The following IGF1R variants were observed in gnomAD, a reference collection of about 807,000 sequenced individuals.
The protein encoded by IGF1R is insulin like growth factor 1 receptor, also known as insulin-like growth factor 1 receptor.
In IGF1R, 44 loss-of-function variants were observed where a neutral mutation model predicts 144.6. The observed-to-expected ratio is 0.30, with a 90% CI of 0.24 to 0.39. The LOEUF (loss-of-function observed/expected upper bound fraction) is 0.39, where lower values mean the gene tolerates loss of function less well. Among genes scored for constraint, IGF1R ranks in the 10% least tolerant of loss-of-function variants. The pLI is 1.00. For synonymous variants in IGF1R, 795 were observed against 722.8 expected, an observed-to-expected ratio of 1.10 and a Z score of -1.60; for missense variants, 1,355 against 1,833.7, an observed-to-expected ratio of 0.74 and a Z score of 4.77.
intron 4 of IGF1R, among the ~76,000 whole-genome samples, chr15:98,898,736 T>C (rs2014326774): frequency 6.6e-6 from 1 of 152,220 alleles, no homozygotes; most frequent in South Asian, 2.1e-4. Context: ...TTTATTATAA[T>C]TTTAGCATTA....
chr15:98,923,269 G>C (rs2015566150), intron 11 of IGF1R, among the ~76,000 whole-genome samples: 1 of 152,278 alleles, frequency 6.6e-6, no homozygotes, highest in African/African-American at 2.4e-5. Flanking sequence ...CCAGCCGCTG[G>C]AGGAGTTGGT....
chr15:98,787,343 C>T (rs2056022385), intron 2 of IGF1R, among the ~76,000 whole-genome samples: 2 of 152,194 alleles, frequency 1.3e-5, no homozygotes, highest in Admixed American at 6.5e-5. Context: ...AGATAAAACA[C>T]CTTCAAACAA....
intron 2 of IGF1R, among the ~76,000 whole-genome samples, chr15:98,808,210 G>A (rs1172596340): frequency 6.6e-6 from 1 of 152,178 alleles, no homozygotes; most frequent in Non-Finnish European, 1.5e-5. Context: ...TTAAAAATAA[G>A]TTGAAAATAA....
At chr15:98,680,862 T>A (rs1441587583) in intron 1 of IGF1R, among the ~76,000 whole-genome samples, 1 of 98,362 alleles carries the variant, frequency 1.0e-5, no homozygotes, top group African/African-American at 4.4e-5. Flanking sequence ...TGGCCATATG[T>A]ACTTTTTTTT....
intron 1 of IGF1R, among the ~76,000 whole-genome samples, chr15:98,682,289 G>A (rs996366502): frequency 1.1e-4 from 17 of 152,272 alleles, no homozygotes; most frequent in African/African-American, 3.9e-4. Flanking sequence ...AAAGATGACT[G>A]TCCCTCTCAT....
intron 11 of IGF1R, among the ~76,000 whole-genome samples, chr15:98,923,588 G>C (rs2151692881): frequency 6.6e-6 from 1 of 152,334 alleles, no homozygotes; most frequent in South Asian, 2.1e-4. Flanking sequence ...GGCTTTTTTT[G>C]TTGAGGGACT....
At chr15:98,797,538 G>A (rs1192925774) in intron 2 of IGF1R, among the ~76,000 whole-genome samples, 1 of 152,208 alleles carries the variant, frequency 6.6e-6, no homozygotes, top group Non-Finnish European at 1.5e-5. Context: ...CTCTTCATTT[G>A]GGGTTGGGGG....
chr15:98,753,072 ACT>A (rs1323498170), intron 2 of IGF1R, among the ~76,000 whole-genome samples: 1 of 151,500 alleles, frequency 6.6e-6, no homozygotes, highest in Non-Finnish European at 1.5e-5. Flanking sequence ...AGTAGCTAGG[ACT>A]ACAGGCACGT....
Position 98,962,277 on chromosome 15 carries a change from A to G in IGF1R, c.*4835A>G. 1 of 233,398 alleles carries G rather than the reference A, an allele frequency of 4.3e-6. No homozygotes were observed. The highest frequency in any genetic ancestry group is 8.5e-6 in the Non-Finnish European group (1 of 118,114). The allele number at this position is 233,398 out of a possible 1,614,324, so 14.5% of individuals were successfully genotyped here. ...GACCCGCCGTGGTATGCCTTGGCCC[A>G]TTCCAGCAGTCCCAGTTATGCATTT... On this transcript the variant is annotated 3_prime_UTR_variant, in exon 21 of 21. Coordinates refer to ENST00000650285, the MANE Select transcript of IGF1R (RefSeq NM_000875.5).
intron 2 of IGF1R, among the ~76,000 whole-genome samples, chr15:98,775,840 C>T (rs1258836290): frequency 1.3e-5 from 2 of 152,192 alleles, no homozygotes; most frequent in African/African-American, 4.8e-5. Context: ...CTGTCAAGTT[C>T]CCATGTGATC....
chr15:98,917,028 T>C, intron 10 of IGF1R, 152 bp downstream of exon 10: 1 of 735,334 alleles, frequency 1.4e-6, no homozygotes, highest in Non-Finnish European at 2.4e-6. Flanking sequence ...ACAGGTTCGG[T>C]GAAGTGAGTC....
intron 2 of IGF1R, among the ~76,000 whole-genome samples, chr15:98,861,325 C>T (rs544925944): frequency 5.9e-5 from 9 of 152,148 alleles, no homozygotes; most frequent in Non-Finnish European, 1.2e-4. Flanking sequence ...AGTTTGTTAT[C>T]GGTCTTCTCC....
chr15:98,712,915 G>A (rs2054028383), intron 2 of IGF1R, among the ~76,000 whole-genome samples: 1 of 148,806 alleles, frequency 6.7e-6, no homozygotes, highest in African/African-American at 2.5e-5. Flanking sequence ...CGGCCATCTA[G>A]TGTGCACTTT....
chr15:98,801,540 T>C (rs949327040), intron 2 of IGF1R, among the ~76,000 whole-genome samples: 1 of 152,204 alleles, frequency 6.6e-6, no homozygotes, highest in African/African-American at 2.4e-5. Context: ...AGGCCTTTCC[T>C]TGATGATCGA....
rs548794667 is a variant in IGF1R, at chr15:98,902,596, A to G, written c.1247+2975A>G. ...CCACGCCCGGCTTATTTTTGCTTTT[A>G]GTAGAGACGGACTTTCACCGTGTTG... On this transcript the variant is annotated intron_variant, in intron 5 of 20. Coordinates refer to ENST00000650285, the MANE Select transcript of IGF1R (RefSeq NM_000875.5). Among the ~76,000 whole-genome samples the G allele has an allele frequency of 6.8e-5, 10 of 147,886 alleles. No homozygotes were observed. In the South Asian group the frequency reaches 2.2e-3, roughly 32 times the overall value.
At position 98,891,299 on chromosome 15, in the gene IGF1R, T is replaced by G. The variant is rs758023637; in HGVS notation, c.641-26T>G. On this transcript the variant is annotated intron_variant, in intron 2 of 20. Transcript: ENST00000650285. The surrounding 1 kb of genome is among the most constrained non-coding windows in gnomAD (Gnocchi z 4.7). Reference sequence around the variant, plus strand: ...GCGGTGCCTCCCCTGCCCGGTCTCATCTCCGTCTCTCCTCTCTCTCCACAG... The same window carrying G: ...GCGGTGCCTCCCCTGCCCGGTCTCAGCTCCGTCTCTCCTCTCTCTCCACAG... 26 of 1,601,840 alleles carry G rather than the reference T, an allele frequency of 1.6e-5. No homozygotes were observed. The South Asian group carries it at 2.4e-4, about 15-fold the overall frequency.
In IGF1R at chr15:98,949,272, C is replaced by A. The variant is rs1473583984; in HGVS notation, c.3722+564C>A. ...AGTCATAAACCATCTAAGTAACATG[C>A]TCTCCGGAGCTTCATCCGCTGACCA... On this transcript the variant is annotated intron_variant, in intron 20 of 20. Transcript: ENST00000650285. Among the ~76,000 whole-genome samples the A allele has an allele frequency of 2.6e-5, 4 of 152,254 alleles. No individual in the cohort carries two copies. The South Asian group carries it at 6.2e-4, about 24-fold the overall frequency.
chr15:98,747,379 G>A (rs1375202706), intron 2 of IGF1R, among the ~76,000 whole-genome samples: 1 of 152,062 alleles, frequency 6.6e-6, no homozygotes, highest in East Asian at 1.9e-4. Context: ...TGTATTTTTA[G>A]TAGAGACAGG....
chr15:98,668,358 G>C (rs1226129912), intron 1 of IGF1R, among the ~76,000 whole-genome samples: 1 of 152,306 alleles, frequency 6.6e-6, no homozygotes, highest in Admixed American at 6.5e-5. Context: ...ATAGTGAAGG[G>C]ATCTCCAGAC....
Sources: gnomAD v4.1 joint callset for allele counts (sites outside exome capture counted in the v4.1 genomes callset) on GRCh38, gnomAD v4.1.1 for gene constraint, Gnocchi (gnomAD v3.1) non-coding constraint, MANE v1.5 for transcripts, NCBI Gene and HGNC (gene_info 2026-07-23, HGNC 2026-07-21) for gene names.